SHROOM4: variants seen among roughly 807,000 people sequenced by gnomAD.
The protein encoded by SHROOM4 is protein Shroom4.
In SHROOM4, 17 loss-of-function variants were observed where a neutral mutation model predicts 80.3. That is an observed-to-expected ratio of 0.21 (90% CI 0.14 to 0.32). SHROOM4 has a LOEUF of 0.32. Among genes scored for constraint, SHROOM4 ranks in the 10% least tolerant of loss-of-function variants. The probability of loss-of-function intolerance (pLI) is 1.00; values close to 1 mark genes in which losing one functional copy is unlikely to be tolerated. For missense variants in SHROOM4, 993 were observed against 1,140.3 expected (o/e 0.87, Z 1.86); for synonymous variants, 400 against 437.5 (o/e 0.91, Z 1.07).
rs150502034 is a variant in SHROOM4 at position 50,602,889 on chromosome X, T to C, written c.3762-76A>G. 9,464 of 998,131 alleles carry C rather than the reference T, an allele frequency of 9.5e-3. 95 individuals carry two copies. Among genetic ancestry groups the C allele is most frequent in the African/African-American group, 0.042 (2,217 of 52,800 alleles). The allele number at this position is 998,131 out of a possible 1,213,427, so 82.3% of individuals were successfully genotyped here. ...ACATTTCTGCTTCTTAATTTCTCCATCTGAAAAATGGAACCCTGCTTCACC... is the reference window on the plus strand; with the variant it reads ...ACATTTCTGCTTCTTAATTTCTCCACCTGAAAAATGGAACCCTGCTTCACC... On this transcript the variant is annotated intron_variant, in intron 6 of 8. Coordinates refer to ENST00000376020, the MANE Select transcript of SHROOM4 (RefSeq NM_020717.5).
chrX:50,611,685 C>T (rs782167370), intron 5 of SHROOM4, among the ~76,000 whole-genome samples: 1 of 110,035 alleles, frequency 9.1e-6, no homozygotes, highest in Admixed American at 9.7e-5. Context: ...TTTGGGAGGC[C>T]GAGGCGGGCG....
In SHROOM4 at chrX:50,634,671, G is replaced by C. The variant is rs141266910; in HGVS notation, c.1402C>G (p.His468Asp). The C allele has an allele frequency of 6.3e-5, 76 of 1,210,010 alleles. No homozygotes were observed. The African/African-American group carries it at 1.3e-3, about 21-fold the overall frequency. ...KSPCPPTGGT[H>D]DQSSKERKTR... ...TTTCTTTCTTTGCTGGACTGGTCAT[G>C]GGTTCCTCCTGTAGGGGGGCATGGA... The change falls in exon 4 of 9, where the codon CAT becomes GAT. Residue 468 changes from histidine to aspartate, a missense_variant. Transcript: ENST00000376020.
At chrX:50,600,449 C>A (rs1291454138) in intron 7 of SHROOM4, among the ~76,000 whole-genome samples, 1 of 111,603 alleles carries the variant, frequency 9.0e-6, no homozygotes, top group African/African-American at 3.3e-5. Flanking sequence ...CCTCTCTGCA[C>A]GTCAATTTCC....
intron 1 of SHROOM4, among the ~76,000 whole-genome samples, chrX:50,790,406 C>T (rs1340569878): frequency 1.5e-4 from 17 of 111,473 alleles, no homozygotes; most frequent in South Asian, 3.7e-4. Flanking sequence ...CCTTCTCAAA[C>T]GCTCCCAAAA....
chrX:50,607,519 A>C lies in SHROOM4; in HGVS notation c.3623T>G (p.Phe1208Cys). 8.3e-7 allele frequency: 1 copy of C among 1,211,184 alleles called. No individual in the cohort carries two copies. The highest frequency in any genetic ancestry group is 1.7e-5 in the African/African-American group (1 of 57,585). Reference protein sequence around the residue: ...SQSVPAEQESFALHSSDFLPP... With the variant: ...SQSVPAEQESCALHSSDFLPP... ...CAAGAAATCACTGGAATGGAGTGCA[A>C]AGGATTCTTGCTCTGCTGGGACACT... is the stretch of plus-strand genomic sequence containing the variant. The change falls in exon 6 of 9, where the codon TTT (phenylalanine) becomes TGT (cysteine). Residue 1208 changes from phenylalanine to cysteine, a missense_variant. By Grantham distance (205) the Phe-to-Cys change is radical. Coordinates refer to ENST00000376020, the MANE Select transcript of SHROOM4 (RefSeq NM_020717.5).
chrX:50,744,868 CTCT>C (rs1288383732), intron 1 of SHROOM4, among the ~76,000 whole-genome samples: 2 of 111,670 alleles, frequency 1.8e-5, no homozygotes, highest in African/African-American at 6.5e-5. Context: ...ATGTTCATTT[CTCT>C]TCTTGTTTTA....
intron 1 of SHROOM4, among the ~76,000 whole-genome samples, chrX:50,790,455 G>A (rs1384945714): frequency 1.8e-5 from 2 of 111,045 alleles, no homozygotes; most frequent in Non-Finnish European, 3.8e-5. Context: ...CATTTTATGA[G>A]GCCAGCATTA....
chrX:50,808,404 G>A (rs1454006449), intron 1 of SHROOM4, among the ~76,000 whole-genome samples: 2 of 111,768 alleles, frequency 1.8e-5, no homozygotes, highest in Admixed American at 9.5e-5. Context: ...TCATGAAATG[G>A]TTAAGATTAG....
intron 6 of SHROOM4, among the ~76,000 whole-genome samples, chrX:50,604,233 C>T (rs1204915755): frequency 4.5e-5 from 5 of 111,908 alleles, no homozygotes; most frequent in African/African-American, 1.6e-4. Context: ...GCACACCATA[C>T]TTACCATGCC....
rs150191401 is a variant in SHROOM4, at chrX:50,722,448, T to A, written c.118-26511A>T. On this transcript the variant is annotated intron_variant, in intron 1 of 8. Coordinates refer to ENST00000376020, the MANE Select transcript of SHROOM4 (RefSeq NM_020717.5). Reference sequence around the variant, plus strand: ...CAGTAGATTTTCCTCTGGTCATCAGTACCTGCTAAACCCCAGCGCAGCCCT... The same window carrying A: ...CAGTAGATTTTCCTCTGGTCATCAGAACCTGCTAAACCCCAGCGCAGCCCT... 5.4e-5 allele frequency among the ~76,000 whole-genome samples: 6 copies of A among 111,061 alleles called. No homozygotes were observed. The East Asian group carries it at 1.7e-3, about 31-fold the overall frequency.
At chrX:50,688,457 G>A (rs1264796417) in intron 2 of SHROOM4, among the ~76,000 whole-genome samples, 2 of 111,279 alleles carry the variant, frequency 1.8e-5, no homozygotes, top group Admixed American at 9.6e-5. Context: ...GTTATGTTAA[G>A]TGAAATAAGC....
chrX:50,768,994 G>A (rs1292266185), intron 1 of SHROOM4, among the ~76,000 whole-genome samples: 1 of 111,859 alleles, frequency 8.9e-6, no homozygotes, highest in South Asian at 3.8e-4. Flanking sequence ...AGCAGGCCAG[G>A]AGGGTGAGAC....
At chrX:50,774,165 T>C (rs901002933) in intron 1 of SHROOM4, among the ~76,000 whole-genome samples, 5 of 111,263 alleles carry the variant, frequency 4.5e-5, no homozygotes, top group East Asian at 2.8e-4. Flanking sequence ...CTGAGGACTT[T>C]AGGGCTACAT....
intron 1 of SHROOM4, among the ~76,000 whole-genome samples, chrX:50,716,789 C>G (rs1393790935): frequency 1.8e-5 from 2 of 112,183 alleles, no homozygotes; most frequent in Non-Finnish European, 3.8e-5. Context: ...GTTTCCCAGA[C>G]TTACTTGTTA....
chrX:50,578,642 G>A, the SHROOM4 span, among the ~76,000 whole-genome samples: 1 of 111,470 alleles, frequency 9.0e-6, no homozygotes, highest in African/African-American at 3.3e-5. Context: ...GTTTCACCAT[G>A]TTGGCCAAGC....
At chrX:50,598,029 G>A (rs181728752) in intron 8 of SHROOM4, among the ~76,000 whole-genome samples, 21 of 110,565 alleles carry the variant, frequency 1.9e-4, no homozygotes, top group Non-Finnish European at 1.3e-4. Context: ...AGTAGAGATG[G>A]GGATTCACTA....
intron 2 of SHROOM4, among the ~76,000 whole-genome samples, chrX:50,687,376 G>A (rs1458031234): frequency 9.1e-6 from 1 of 109,455 alleles, no homozygotes; most frequent in East Asian, 2.8e-4. Flanking sequence ...CTAGTTAGCA[G>A]GCCAGATTTG....
chrX:50,621,488 A>T (rs1930571006), intron 5 of SHROOM4, among the ~76,000 whole-genome samples: 1 of 112,186 alleles, frequency 8.9e-6, no homozygotes, highest in Non-Finnish European at 1.9e-5. Context: ...TCCCATGGTG[A>T]CTACAATTGG....
chrX:50,670,142 G>A (rs1932780521), intron 2 of SHROOM4, among the ~76,000 whole-genome samples: 1 of 109,506 alleles, frequency 9.1e-6, no homozygotes, highest in African/African-American at 3.3e-5. Context: ...TAAGTTCTGG[G>A]GTACATGTGC....
Sources: gnomAD v4.1 joint callset for allele counts (sites outside exome capture counted in the v4.1 genomes callset) on GRCh38, gnomAD v4.1.1 for gene constraint, MANE v1.5 for transcripts, NCBI Gene and HGNC (gene_info 2026-07-23, HGNC 2026-07-21) for gene names.